The following B3GAT2 variants were observed in gnomAD, a reference collection of about 807,000 sequenced individuals.
B3GAT2 encodes galactosylgalactosylxylosylprotein 3-beta-glucuronosyltransferase 2.
A neutral mutation model predicts 27.8 loss-of-function variants in B3GAT2; 26 were observed. That is an observed-to-expected ratio of 0.93 (90% CI 0.68 to 1.30). The LOEUF (loss-of-function observed/expected upper bound fraction) is 1.30. Ranked by LOEUF, B3GAT2 falls within the 50% of genes most tolerant of loss-of-function variation. The pLI is 0.00. For missense variants in B3GAT2, 458 were observed against 459.0 expected, an observed-to-expected ratio of 1.00 and a Z score of 0.02; for synonymous variants, 218 against 195.1, an observed-to-expected ratio of 1.12 and a Z score of -0.98.
At chr6:70,894,876 G>T (rs1466803951) in intron 1 of B3GAT2, among the ~76,000 whole-genome samples, 1 of 152,170 alleles carries the variant, frequency 6.6e-6, no homozygotes, top group Non-Finnish European at 1.5e-5. Flanking sequence ...CGTTGGAATC[G>T]CTTGTCCTTG....
intron 1 of B3GAT2, among the ~76,000 whole-genome samples, chr6:70,938,308 T>C (rs9455257): frequency 0.3 from 28,648 of 95,834 alleles, 3,446 homozygotes; most frequent in East Asian, 0.44. Flanking sequence ...GAATCAATAT[T>C]GTGAAAATGG....
intron 2 of B3GAT2, among the ~76,000 whole-genome samples, chr6:70,870,963 T>A (rs1254375505): frequency 6.6e-6 from 1 of 152,150 alleles, no homozygotes; most frequent in Non-Finnish European, 1.5e-5. Context: ...CATGAAAGAA[T>A]GCTGAATTTT....
intron 2 of B3GAT2, among the ~76,000 whole-genome samples, chr6:70,882,266 T>C (rs1441559819): frequency 5.9e-5 from 9 of 151,796 alleles, no homozygotes; most frequent in Admixed American, 3.9e-4. Context: ...CTTTGGGAGG[T>C]TAAGGCGGGC....
rs1771900563 is a variant in B3GAT2 at position 70,869,441 on chromosome 6, C to T, written c.737-7463G>A. ...ACCTTGTCAATTTTTACAAAAAGGG[C>T]AGCCAGAATTTTGATAAAGATTGCA... On this transcript the variant is annotated intron_variant, in intron 2 of 3. Coordinates refer to ENST00000230053, the MANE Select transcript of B3GAT2 (RefSeq NM_080742.3). Among the ~76,000 whole-genome samples the T allele has an allele frequency of 2.6e-5, 4 of 152,148 alleles. No individual in the cohort carries two copies. In the South Asian group the frequency reaches 8.3e-4, roughly 32 times the overall value.
intron 1 of B3GAT2, among the ~76,000 whole-genome samples, chr6:70,946,469 C>CA (rs1765485486): frequency 6.6e-6 from 1 of 151,804 alleles, no homozygotes; most frequent in Non-Finnish European, 1.5e-5. Flanking sequence ...CAACAAAGAT[C>CA]AAAAGAGACA....
At chr6:70,919,468 G>C (rs1562228758) in intron 1 of B3GAT2, among the ~76,000 whole-genome samples, 1 of 152,138 alleles carries the variant, frequency 6.6e-6, no homozygotes, top group South Asian at 2.1e-4. Context: ...GTGATCCTTG[G>C]AGAAGAAAGG....
At chr6:70,955,722 C>A (rs1765643281) in intron 1 of B3GAT2, 117 bp downstream of exon 1, 2 of 1,224,458 alleles carry the variant, frequency 1.6e-6, no homozygotes, top group Non-Finnish European at 2.2e-6. Flanking sequence ...AATGCGCGCA[C>A]GGAGAACTGA....
intron 1 of B3GAT2, among the ~76,000 whole-genome samples, chr6:70,918,961 G>T (rs184753225): frequency 5.6e-4 from 85 of 152,280 alleles, no homozygotes; most frequent in African/African-American, 2.0e-3. Flanking sequence ...GGTTGGGGAA[G>T]TTCTCCTGCA....
intron 1 of B3GAT2, among the ~76,000 whole-genome samples, chr6:70,947,760 C>T (rs558415403): frequency 8.8e-4 from 134 of 152,012 alleles, no homozygotes; most frequent in African/African-American, 2.8e-3. Flanking sequence ...ATACCAAAGC[C>T]GGGCAGAGAC....
chr6:70,891,611 A>C (rs1168124876), intron 2 of B3GAT2, among the ~76,000 whole-genome samples: 1 of 152,140 alleles, frequency 6.6e-6, no homozygotes, highest in Non-Finnish European at 1.5e-5. Context: ...GCTTCTACTG[A>C]ATGTGCTCAA....
At chr6:70,905,868 C>T (rs755856645) in intron 1 of B3GAT2, among the ~76,000 whole-genome samples, 8 of 148,852 alleles carry the variant, frequency 5.4e-5, no homozygotes, top group East Asian at 3.9e-4. Flanking sequence ...AATATGGTCC[C>T]GGAATGTCTC....
chr6:70,937,201 G>A (rs1362629732), intron 1 of B3GAT2, among the ~76,000 whole-genome samples: 1 of 151,980 alleles, frequency 6.6e-6, no homozygotes, highest in Non-Finnish European at 1.5e-5. Flanking sequence ...GACTAAACCA[G>A]GAAGAAGTTG....
intron 1 of B3GAT2, among the ~76,000 whole-genome samples, chr6:70,913,048 G>A (rs1772713338): frequency 6.6e-6 from 1 of 151,880 alleles, no homozygotes; most frequent in South Asian, 2.1e-4. Flanking sequence ...AGTTTATTTG[G>A]ATCTGCTCTG....
At position 70,859,502 on chromosome 6, in the gene B3GAT2, T is replaced by G; in HGVS notation, c.*2161A>C. The G allele has an allele frequency of 1.2e-6, 1 of 828,812 alleles. No homozygotes were observed. Among genetic ancestry groups the G allele is most frequent in the Non-Finnish European group, 1.9e-6 (1 of 533,594 alleles). 51.3% of individuals were successfully genotyped at this position (828,812 alleles called of 1,614,324 possible). A position where few individuals can be genotyped will look rare whatever the true frequency, so the allele number is the denominator to read the frequency against. ...TAGTGTCTTTGAAACTGTAAATAAG[T>G]CAAGTCAAATGTATTAAATTAAGAA... is the stretch of plus-strand genomic sequence containing the variant. On this transcript the variant is annotated 3_prime_UTR_variant, in exon 4 of 4. Coordinates refer to ENST00000230053, the MANE Select transcript of B3GAT2 (RefSeq NM_080742.3).
rs200344889 is a variant in B3GAT2, at chr6:70,860,838, CTGT to C, written c.*822_*824del. The C allele has an allele frequency of 2.5e-5, 10 of 395,650 alleles. No homozygotes were observed. Among genetic ancestry groups the C allele is most frequent in the Non-Finnish European group, 4.0e-5 (9 of 224,188 alleles). The allele number at this position is 395,650 out of a possible 1,614,324, so 24.5% of individuals were successfully genotyped here. A position where few individuals can be genotyped will look rare whatever the true frequency, so the allele number is the denominator to read the frequency against. ...TTATTTCATCATTCACTTCACTGTG[CTGT>C]TGTTATGATGTGCTTAACAGGGAAC... On this transcript the variant is annotated 3_prime_UTR_variant, in exon 4 of 4. Coordinates refer to ENST00000230053, the MANE Select transcript of B3GAT2 (RefSeq NM_080742.3).
chr6:70,858,072 C>G lies in B3GAT2; in HGVS notation c.*3591G>C. 3 of 1,613,920 alleles carry G rather than the reference C, an allele frequency of 1.9e-6. No individual in the cohort carries two copies. The South Asian group carries it at 3.3e-5, about 18-fold the overall frequency. ...AGTCCAAGCATGATGGTGGGCATGC[C>G]CATGCCCAATGGGTTTATGGGAAAT... On this transcript the variant is annotated 3_prime_UTR_variant, in exon 4 of 4. Coordinates refer to ENST00000230053, the MANE Select transcript of B3GAT2 (RefSeq NM_080742.3).
intron 2 of B3GAT2, among the ~76,000 whole-genome samples, chr6:70,875,545 AT>A (rs1373390755): frequency 1.3e-5 from 2 of 152,206 alleles, no homozygotes; most frequent in East Asian, 3.8e-4. Flanking sequence ...CACAGCCATG[AT>A]AGATTTTCTT....
chr6:70,943,515 A>G (rs1765425219), intron 1 of B3GAT2, among the ~76,000 whole-genome samples: 1 of 152,188 alleles, frequency 6.6e-6, no homozygotes, highest in East Asian at 1.9e-4. Flanking sequence ...CCTGAAAATT[A>G]TTCTTCCGTT....
intron 2 of B3GAT2, among the ~76,000 whole-genome samples, chr6:70,886,306 A>G (rs933923480): frequency 1.3e-5 from 2 of 152,166 alleles, no homozygotes; most frequent in African/African-American, 4.8e-5. Context: ...AAACTAGCAT[A>G]TCCCTTGCAC....
Sources: allele counts gnomAD v4.1 joint callset (sites outside exome capture counted in the v4.1 genomes callset), GRCh38; gene constraint gnomAD v4.1.1; transcripts MANE v1.5; gene names NCBI Gene and HGNC (gene_info 2026-07-23, HGNC 2026-07-21).